CBLL1: variants seen among roughly 807,000 people sequenced by gnomAD.
The protein encoded by CBLL1 is E3 ubiquitin-protein ligase Hakai.
Under a neutral mutation model 44.9 loss-of-function variants are expected in CBLL1, and 4 were observed. The ratio of observed to expected loss-of-function variants is 0.09; its 90% CI spans 0.04 to 0.20. The LOEUF (loss-of-function observed/expected upper bound fraction) is 0.20. CBLL1 is among the 10% of genes least tolerant of loss of function. CBLL1 has a pLI of 1.00. For missense variants in CBLL1, 569 were observed against 636.7 expected (o/e 0.89, Z 1.14); for synonymous variants, 235 against 202.2 (o/e 1.16, Z -1.38).
At chr7:107,751,012 A>C (rs1431679778) in intron 2 of CBLL1, among the ~76,000 whole-genome samples, 1 of 151,444 alleles carries the variant, frequency 6.6e-6, no homozygotes, top group African/African-American at 2.4e-5. Context: ...CATTGTCCCA[A>C]CTCTTTTCCT....
At chr7:107,749,872 C>T (rs1479055199) in intron 2 of CBLL1, among the ~76,000 whole-genome samples, 1 of 151,850 alleles carries the variant, frequency 6.6e-6, no homozygotes, top group Non-Finnish European at 1.5e-5. Context: ...ATCCTTTCTT[C>T]TGAGTTCTTT....
intron 2 of CBLL1, among the ~76,000 whole-genome samples, chr7:107,749,478 T>C (rs1044570887): frequency 2.0e-5 from 3 of 152,116 alleles, no homozygotes; most frequent in Non-Finnish European, 4.4e-5. Flanking sequence ...TTTATAGATA[T>C]ACCATAATTT....
chr7:107,758,460 A>G lies in CBLL1; in HGVS notation c.758A>G (p.Tyr253Cys). ...TTGCAACATGTGCCACATGAGCACT[A>G]TAATCAGCCACATGAGGATATTCGT... is the stretch of plus-strand genomic sequence containing the variant. ...PPLQHVPHEHYNQPHEDIRAP... is the reference protein window; with the variant it reads ...PPLQHVPHEHCNQPHEDIRAP... The change falls in exon 6 of 6, where the codon TAT becomes TGT. Residue 253 changes from tyrosine to cysteine, a missense_variant. This residue lies in a region of CBLL1 where 111 missense variants were observed against 113.0 expected (regional missense o/e 0.98). Transcript: ENST00000440859. The surrounding 1 kb of genome is among the most constrained non-coding windows in gnomAD (Gnocchi z 4.2). 6.2e-7 allele frequency: 1 copy of G among 1,614,168 alleles called. No homozygotes were observed. The highest frequency in any genetic ancestry group is 8.5e-7 in the Non-Finnish European group (1 of 1,180,028).
At chr7:107,751,285 C>T (rs1342840051) in intron 2 of CBLL1, among the ~76,000 whole-genome samples, 4 of 152,164 alleles carry the variant, frequency 2.6e-5, no homozygotes, top group East Asian at 3.9e-4. Flanking sequence ...TGACGGGAGG[C>T]GGAGGCAGAG....
At position 107,753,428 on chromosome 7, in the gene CBLL1, G is replaced by A. The variant is rs867094880; in HGVS notation, c.199G>A (p.Glu67Lys). The A allele has an allele frequency of 8.9e-6, 14 of 1,576,734 alleles. No individual in the cohort carries two copies. In the Middle Eastern group the frequency reaches 1.2e-3, roughly 132 times the overall value. ...TTTCTCAGAAGGATTTGATTATAAT[G>A]AAGAAGAACGGTATGACTGTAAAGG... Reference protein sequence around the residue: ...PGDEEGFDYNEEERYDCKGGE... With the variant: ...PGDEEGFDYNKEERYDCKGGE... Residue 67 changes from glutamate to lysine, a missense_variant, in exon 3 of 6, where the codon GAA becomes AAA. Glu to Lys is a moderately conservative substitution (Grantham distance 56). Transcript: ENST00000440859.
chr7:107,755,997 G>A (rs1180234414), intron 5 of CBLL1, among the ~76,000 whole-genome samples: 2 of 152,086 alleles, frequency 1.3e-5, no homozygotes, highest in South Asian at 2.1e-4. Context: ...CTGGCATATA[G>A]TAAGCACTGT....
chr7:107,759,749 A>T lies in CBLL1; in HGVS notation c.*571A>T, dbSNP rs934609399. On this transcript the variant is annotated 3_prime_UTR_variant, in exon 6 of 6. Coordinates refer to ENST00000440859, the MANE Select transcript of CBLL1 (RefSeq NM_024814.4). Reference sequence around the variant, plus strand: ...TAGAGAATTATTTCACATTTTAGGCACTGAAATGTTGAGGTTTCGAGGTAT... The same window carrying T: ...TAGAGAATTATTTCACATTTTAGGCTCTGAAATGTTGAGGTTTCGAGGTAT... 2.0e-5 allele frequency: 3 copies of T among 152,712 alleles called. No individual in the cohort carries two copies. The highest frequency in any genetic ancestry group is 7.2e-5 in the African/African-American group (3 of 41,460). 9.5% of individuals were successfully genotyped at this position (152,712 alleles called of 1,614,324 possible).
At chr7:107,757,654 C>T (rs1793585993) in intron 5 of CBLL1, among the ~76,000 whole-genome samples, 1 of 152,112 alleles carries the variant, frequency 6.6e-6, no homozygotes, top group African/African-American at 2.4e-5. Context: ...GTTAAGAACC[C>T]TAATGATGAG....
chr7:107,746,917 A>G (rs188455374), intron 1 of CBLL1, among the ~76,000 whole-genome samples: 1,822 of 122,654 alleles, frequency 0.015, 29 homozygotes, highest in African/African-American at 0.048. Context: ...CTTTTTATTC[A>G]AGATAAAAAA....
In CBLL1 at chr7:107,758,897, A is replaced by G; in HGVS notation, c.1195A>G (p.Met399Val). 2 of 1,613,918 alleles carry G rather than the reference A, an allele frequency of 1.2e-6. No homozygotes were observed. Among genetic ancestry groups the G allele is most frequent in the East Asian group, 4.5e-5 (2 of 44,876 alleles). The change falls in exon 6 of 6, where the codon ATG becomes GTG. Residue 399 changes from methionine to valine, a missense_variant. Coordinates refer to ENST00000440859, the MANE Select transcript of CBLL1 (RefSeq NM_024814.4). The surrounding 1 kb of genome is among the most constrained non-coding windows in gnomAD (Gnocchi z 4.2). ...TATTATTGCCCAGATGCCACCTTAT[A>G]TGAATCATCCTCCTCCAGGACCTCC... is the stretch of plus-strand genomic sequence containing the variant. Reference protein sequence around the residue: ...GHIIAQMPPYMNHPPPGPPPP... With the variant: ...GHIIAQMPPYVNHPPPGPPPP...
Position 107,753,433 on chromosome 7 carries a change from A to G in CBLL1, c.204A>G (p.Glu68=). ...CAGAAGGATTTGATTATAATGAAGA[A>G]GAACGGTATGACTGTAAAGGGGGTG... ...GDEEGFDYNE[E]ERYDCKGGEL... The change falls in exon 3 of 6, where the codon GAA becomes GAG. Residue 68 remains glutamate (E), a synonymous_variant. Transcript: ENST00000440859. The G allele has an allele frequency of 6.3e-7, 1 of 1,580,456 alleles. No homozygotes were observed. The highest frequency in any genetic ancestry group is 8.6e-7 in the Non-Finnish European group (1 of 1,169,008).
Position 107,749,028 on chromosome 7 carries a change from G to T in CBLL1, c.162G>T (p.Lys54Asn). The T allele has an allele frequency of 6.2e-7, 1 of 1,613,798 alleles. No homozygotes were observed. The change falls in exon 2 of 6, where the codon AAG (lysine) becomes AAT (asparagine). Residue 54 changes from lysine (K) to asparagine (N), a missense_variant. By Grantham distance (94) the Lys-to-Asn change is moderately conservative (BLOSUM62 0). Around this residue, in one of 5 missense-constraint regions of CBLL1, gnomAD observed 209 missense variants for 202.8 expected, o/e 1.03. Transcript: ENST00000440859. The part of the protein sequence containing the change: ...TQRTINRMPA[K>N]APPGDEEGFD... ...GAACTATAAACAGGATGCCTGCAAA[G>T]GCTCCACCTGGTGATGAAGGTAATT...
At chr7:107,749,411 GA>G (rs567402224) in intron 2 of CBLL1, 1 of 154,600 alleles carries the variant, frequency 6.5e-6, no homozygotes, top group African/African-American at 2.4e-5. Flanking sequence ...ATGCATTTGA[GA>G]TTTTTTTCTT....
rs560587240 is a variant in CBLL1, at chr7:107,755,011, C to T, written c.367-407C>T. Among the ~76,000 whole-genome samples, 32 of 151,938 alleles carry T rather than the reference C, an allele frequency of 2.1e-4. No homozygotes were observed. The South Asian group carries it at 4.0e-3, about 19-fold the overall frequency. On this transcript the variant is annotated intron_variant, in intron 4 of 5. Transcript: ENST00000440859. The stretch of plus-strand genomic sequence containing the variant: ...TGTGGTGGCACACACCTGTGTTCCT[C>T]GCTATTCTGGAGGCTGAGGTGGGAA...
intron 1 of CBLL1, among the ~76,000 whole-genome samples, chr7:107,746,622 A>T (rs954209479): frequency 6.6e-6 from 1 of 152,258 alleles, no homozygotes; most frequent in Admixed American, 6.5e-5. Flanking sequence ...TCATGACAGG[A>T]TAGGCATCTC....
rs775569145 is a variant in CBLL1 at position 107,749,007 on chromosome 7, T to G, written c.141T>G (p.Thr47=). ...KAKPAPRTQR[T]INRMPAKAPP... ...AACCTGCACCGCGAACTCAAAGAAC[T>G]ATAAACAGGATGCCTGCAAAGGCTC... The change falls in exon 2 of 6, where the codon ACT becomes ACG. Residue 47 remains threonine, a synonymous_variant. Transcript: ENST00000440859. 19 of 1,614,038 alleles carry G rather than the reference T, an allele frequency of 1.2e-5. No individual in the cohort carries two copies. The Admixed American group carries it at 3.0e-4, about 25-fold the overall frequency.
chr7:107,758,034 G>C lies in CBLL1; in HGVS notation c.441-109G>C, dbSNP rs1793606289. ...CTGTAACTTCTAATTGTGGACTTTTGCTATGTTTTATGTAACAGTCAAATT... is the reference window on the plus strand; with the variant it reads ...CTGTAACTTCTAATTGTGGACTTTTCCTATGTTTTATGTAACAGTCAAATT... On this transcript the variant is annotated intron_variant, in intron 5 of 5. Transcript: ENST00000440859. The surrounding 1 kb of genome is among the most constrained non-coding windows in gnomAD (Gnocchi z 4.2). 5.2e-6 allele frequency: 5 copies of C among 965,574 alleles called. No homozygotes were observed. Among genetic ancestry groups the C allele is most frequent in the East Asian group, 2.6e-5 (1 of 37,916 alleles). The allele number at this position is 965,574 out of a possible 1,614,324, so 59.8% of individuals were successfully genotyped here.
intron 4 of CBLL1, among the ~76,000 whole-genome samples, chr7:107,755,040 C>T: frequency 6.6e-6 from 1 of 152,062 alleles, no homozygotes; most frequent in Admixed American, 6.6e-5. Context: ...GTGGGAACAT[C>T]AGCCAGGAGT....
At chr7:107,744,698 G>A (rs1792921778) in intron 1 of CBLL1, 1 of 155,676 alleles carries the variant, frequency 6.4e-6, no homozygotes. Flanking sequence ...GTCTGATAGA[G>A]TTTTTGGAAT....
Sources: allele counts gnomAD v4.1 joint callset (sites outside exome capture counted in the v4.1 genomes callset), GRCh38; gene constraint gnomAD v4.1.1; regional missense constraint gnomAD v4.1.1; non-coding constraint Gnocchi (gnomAD v3.1); transcripts MANE v1.5; gene names NCBI Gene and HGNC (gene_info 2026-07-23, HGNC 2026-07-21).